The following RNF38 variants were observed in gnomAD, a reference collection of about 807,000 sequenced individuals.
The protein encoded by RNF38 is ring finger protein 38.
A neutral mutation model predicts 67.2 loss-of-function variants in RNF38; 15 were observed. The observed-to-expected ratio is 0.22, with a 90% CI of 0.15 to 0.34. The LOEUF (loss-of-function observed/expected upper bound fraction) is 0.34, where lower values mean the gene tolerates loss of function less well. Among genes scored for constraint, RNF38 ranks in the 10% least tolerant of loss-of-function variants. The pLI, the probability that RNF38 is intolerant of heterozygous loss-of-function variation, is 1.00. For missense variants in RNF38, 524 were observed against 639.9 expected (o/e 0.82, Z 1.95); for synonymous variants, 220 against 218.8 (o/e 1.01, Z -0.05).
intron 4 of RNF38, among the ~76,000 whole-genome samples, chr9:36,362,151 G>GT (rs938412583): frequency 2.0e-4 from 31 of 152,260 alleles, no homozygotes; most frequent in African/African-American, 7.2e-4. Flanking sequence ...GAGGTCAGGA[G>GT]TTTGAGACCA....
At chr9:36,342,292 A>G (rs751610536) in intron 11 of RNF38, 33 bp downstream of exon 11, 28 of 1,430,370 alleles carry the variant, frequency 2.0e-5, no homozygotes, top group Non-Finnish European at 2.5e-5. Flanking sequence ...AGAAAATTCA[A>G]TGTCATTTCC....
chr9:36,340,628 T>C (rs1186530646), intron 11 of RNF38, among the ~76,000 whole-genome samples: 1 of 152,224 alleles, frequency 6.6e-6, no homozygotes, highest in Non-Finnish European at 1.5e-5. Flanking sequence ...TGCCTTTGCC[T>C]CCCAAAATGT....
intron 2 of RNF38, among the ~76,000 whole-genome samples, chr9:36,386,147 G>A (rs1836615386): frequency 6.6e-6 from 1 of 152,158 alleles, no homozygotes; most frequent in Non-Finnish European, 1.5e-5. Context: ...AAAATTCACG[G>A]TCTGAAACCA....
intron 1 of RNF38, among the ~76,000 whole-genome samples, chr9:36,451,491 G>GT (rs374396585): frequency 0.33 from 19,247 of 58,662 alleles, 5,907 homozygotes; most frequent in East Asian, 0.59. Context: ...AATTGTAGTA[G>GT]TTTTTTTTTT....
Position 36,339,832 on chromosome 9 carries a change from A to C in RNF38, c.1486-18T>G. 1 of 1,600,962 alleles carries C rather than the reference A, an allele frequency of 6.2e-7. No homozygotes were observed. The highest frequency in any genetic ancestry group is 8.5e-7 in the Non-Finnish European group (1 of 1,170,762). On this transcript the variant is annotated intron_variant, in intron 11 of 11. Transcript: ENST00000259605. ...CGATTTGCCTACAAAACAAAAAGGAAAACTTGTTTAAATTGTGACACATAC... is the reference window on the plus strand; with the variant it reads ...CGATTTGCCTACAAAACAAAAAGGACAACTTGTTTAAATTGTGACACATAC...
At position 36,449,678 on chromosome 9, in the gene RNF38, G is replaced by A. The variant is rs138267209; in HGVS notation, n.242-24995C>T. On this transcript the variant is annotated intron_variant and non_coding_transcript_variant, in intron 1 of 3. Coordinates refer to the RNF38 transcript ENST00000488058. ...TCTCGATCTCCGAATCTTGTGATCC[G>A]CCCACCTCGGCCTCCCAAAGTGCTG... Among the ~76,000 whole-genome samples the A allele has an allele frequency of 7.0e-3, 1,058 of 152,116 alleles. 14 individuals carry two copies. Among genetic ancestry groups the A allele is most frequent in the African/African-American group, 0.024 (987 of 41,510 alleles).
intron 1 of RNF38, among the ~76,000 whole-genome samples, chr9:36,484,815 G>A (rs1000235757): frequency 1.3e-5 from 2 of 152,140 alleles, no homozygotes; most frequent in African/African-American, 4.8e-5. Context: ...CTATTTTAAT[G>A]AGTGAGGCTA....
At chr9:36,341,745 T>G (rs1237324088) in intron 11 of RNF38, among the ~76,000 whole-genome samples, 1 of 138,582 alleles carries the variant, frequency 7.2e-6, no homozygotes, top group Non-Finnish European at 1.6e-5. Context: ...GAGCCATGAC[T>G]GTACCGCTGC....
At chr9:36,427,702 T>TCTATCTATCTATCTAC (rs1554694676) in intron 1 of RNF38, among the ~76,000 whole-genome samples, 87 of 139,506 alleles carry the variant, frequency 6.2e-4, no homozygotes, top group Non-Finnish European at 9.7e-4. Flanking sequence ...TATCTATCTA[T>TCTATCTATCTATCTAC]CTACCTACCT....
At chr9:36,426,863 A>C (rs1178089210) in intron 1 of RNF38, among the ~76,000 whole-genome samples, 8 of 152,240 alleles carry the variant, frequency 5.3e-5, no homozygotes, top group Non-Finnish European at 1.2e-4. Flanking sequence ...TAAAATTAGA[A>C]TATTATTATC....
At chr9:36,485,468 C>T (rs1011014543) in intron 1 of RNF38, among the ~76,000 whole-genome samples, 7 of 152,138 alleles carry the variant, frequency 4.6e-5, no homozygotes, top group African/African-American at 1.7e-4. Context: ...CTTAATAATC[C>T]TCGGTTTATC....
chr9:36,345,421 G>A (rs919687283), intron 9 of RNF38, among the ~76,000 whole-genome samples: 9 of 152,134 alleles, frequency 5.9e-5, no homozygotes, highest in Admixed American at 3.3e-4. Flanking sequence ...CCTGTGAGCT[G>A]GATAATTCTT....
intron 4 of RNF38, 85 bp from the exon 5 acceptor site, chr9:36,358,027 G>C: frequency 9.2e-7 from 1 of 1,090,812 alleles, no homozygotes; most frequent in Non-Finnish European, 1.4e-6. Context: ...TCATTTATTG[G>C]CTCCTCTCTC....
chr9:36,469,107 A>G (rs1244299538), intron 1 of RNF38, among the ~76,000 whole-genome samples: 1 of 152,086 alleles, frequency 6.6e-6, no homozygotes, highest in Non-Finnish European at 1.5e-5. Flanking sequence ...GCAAGAGTCC[A>G]TCTCAAAAAA....
intron 1 of RNF38, among the ~76,000 whole-genome samples, chr9:36,480,452 A>G (rs1032256364): frequency 6.6e-6 from 1 of 152,138 alleles, no homozygotes; most frequent in Non-Finnish European, 1.5e-5. Flanking sequence ...CAGAATGGAC[A>G]GCCAACTTTT....
intron 6 of RNF38, among the ~76,000 whole-genome samples, chr9:36,354,901 T>A (rs1298196995): frequency 6.6e-6 from 1 of 152,238 alleles, no homozygotes; most frequent in Non-Finnish European, 1.5e-5. Context: ...GAAATCACAA[T>A]TGCTTACACT....
At chr9:36,460,743 C>G (rs1395386393) in intron 1 of RNF38, among the ~76,000 whole-genome samples, 1 of 151,238 alleles carries the variant, frequency 6.6e-6, no homozygotes, top group Non-Finnish European at 1.5e-5. Flanking sequence ...CAAAATTAGC[C>G]AGGCGTGGTG....
intron 1 of RNF38, among the ~76,000 whole-genome samples, chr9:36,433,316 A>C (rs1838977115): frequency 6.6e-6 from 1 of 151,896 alleles, no homozygotes; most frequent in Non-Finnish European, 1.5e-5. Flanking sequence ...GCTTGAGGTG[A>C]TGGATACCCC....
upstream of RNF38, among the ~76,000 whole-genome samples, chr9:36,404,924 T>A (rs1038537613): frequency 1.3e-5 from 2 of 151,806 alleles, no homozygotes; most frequent in African/African-American, 2.4e-5. Context: ...TGTTTTTTTT[T>A]AAGACCCCTT....
Sources: allele counts gnomAD v4.1 joint callset (sites outside exome capture counted in the v4.1 genomes callset), GRCh38; gene constraint gnomAD v4.1.1; transcripts MANE v1.5; gene names NCBI Gene and HGNC (gene_info 2026-07-23, HGNC 2026-07-21).